The following CNTNAP2 variants were observed in gnomAD, a reference collection of about 807,000 sequenced individuals.
The protein encoded by CNTNAP2 is contactin associated protein 2.
CNTNAP2 carries 98 observed loss-of-function variants against 155.2 expected under a neutral mutation model. The ratio of observed to expected loss-of-function variants is 0.63; its 90% CI spans 0.54 to 0.75. The LOEUF is 0.75. Ranked by LOEUF, CNTNAP2 falls within the 30% of genes least tolerant of loss-of-function variation. The pLI is 0.00. For synonymous variants in CNTNAP2, 651 were observed against 631.2 expected (o/e 1.03, Z -0.47); for missense variants, 1,727 against 1,688.1 (o/e 1.02, Z -0.40).
chr7:146,469,818 C>CTGCGCGCGG (rs1796767732), intron 1 of CNTNAP2, among the ~76,000 whole-genome samples: 1 of 151,062 alleles, frequency 6.6e-6, no homozygotes, highest in Non-Finnish European at 1.5e-5. Context: ...GCGTGAGCCA[C>CTGCGCGCGG]CAACCCCAGC....
chr7:148,021,927 G>A (rs571314588), intron 15 of CNTNAP2, among the ~76,000 whole-genome samples: 7 of 152,280 alleles, frequency 4.6e-5, no homozygotes, highest in Middle Eastern at 6.8e-3. Context: ...TGTCACAAGA[G>A]GCACTACTTC....
At chr7:146,723,092 G>C (rs748851444) in intron 1 of CNTNAP2, among the ~76,000 whole-genome samples, 44 of 152,150 alleles carry the variant, frequency 2.9e-4, no homozygotes, top group Non-Finnish European at 4.1e-4. Context: ...TTTGCAGATA[G>C]GGTCCTAGCA....
At chr7:146,992,551 C>A (rs1798228488) in intron 3 of CNTNAP2, among the ~76,000 whole-genome samples, 1 of 152,098 alleles carries the variant, frequency 6.6e-6, no homozygotes, top group Non-Finnish European at 1.5e-5. Flanking sequence ...CCAGGTTCCA[C>A]CCCAGAACAG....
intron 21 of CNTNAP2, among the ~76,000 whole-genome samples, chr7:148,331,121 T>C (rs1797994764): frequency 7.5e-6 from 1 of 133,034 alleles, no homozygotes; most frequent in Non-Finnish European, 1.6e-5. Context: ...AGTCAATGGA[T>C]GGGATGGGTG....
chr7:147,697,485 A>G (rs900645639), intron 13 of CNTNAP2, among the ~76,000 whole-genome samples: 2 of 152,052 alleles, frequency 1.3e-5, no homozygotes, highest in African/African-American at 4.8e-5. Flanking sequence ...CAACATCCCT[A>G]CCATATCTGA....
At position 148,417,096 on chromosome 7, in the gene CNTNAP2, A is replaced by G. The variant is rs1043150285; in HGVS notation, c.*1480A>G. The G allele has an allele frequency of 6.6e-6, 1 of 152,208 alleles. No homozygotes were observed. The highest frequency in any genetic ancestry group is 1.5e-5 in the Non-Finnish European group (1 of 68,034). The allele number at this position is 152,208 out of a possible 1,614,324, so 9.4% of individuals were successfully genotyped here. A position where few individuals can be genotyped will look rare whatever the true frequency, so the allele number is the denominator to read the frequency against. On this transcript the variant is annotated 3_prime_UTR_variant, in exon 24 of 24. Coordinates refer to ENST00000361727, the MANE Select transcript of CNTNAP2 (RefSeq NM_014141.6). Reference sequence around the variant, plus strand: ...CTTATACTTAATAAGCACTTTCTAAAAAGTCTTGAGATCCCACCATTCTGA... The same window carrying G: ...CTTATACTTAATAAGCACTTTCTAAGAAGTCTTGAGATCCCACCATTCTGA...
chr7:148,295,550 G>T (rs1797264857), intron 21 of CNTNAP2, among the ~76,000 whole-genome samples: 1 of 145,236 alleles, frequency 6.9e-6, no homozygotes, highest in Non-Finnish European at 1.5e-5. Context: ...GGAGTGCTGT[G>T]GCGCAGTCTC....
intron 14 of CNTNAP2, among the ~76,000 whole-genome samples, chr7:147,949,553 G>C (rs1800888459): frequency 6.6e-6 from 1 of 151,718 alleles, no homozygotes; most frequent in African/African-American, 2.4e-5. Context: ...TAGAAACACA[G>C]CTAGGAATAA....
intron 21 of CNTNAP2, among the ~76,000 whole-genome samples, chr7:148,340,824 G>A (rs1044224899): frequency 6.6e-6 from 1 of 152,226 alleles, no homozygotes. Flanking sequence ...GGATGAGAGA[G>A]ACTAAGAGAG....
At chr7:146,214,211 A>G (rs1330686546) in intron 1 of CNTNAP2, among the ~76,000 whole-genome samples, 2 of 152,238 alleles carry the variant, frequency 1.3e-5, no homozygotes, top group African/African-American at 4.8e-5. Flanking sequence ...ACTTTTATAC[A>G]AAATCCCTAA....
chr7:147,396,182 C>CATATATATATATATATATAGCAT (rs58129350), intron 10 of CNTNAP2, among the ~76,000 whole-genome samples: 2 of 145,450 alleles, frequency 1.4e-5, no homozygotes, highest in Admixed American at 1.4e-4. Context: ...ATATATATAG[C>CATATATATATATATATATAGCAT]ATATATATAT....
chr7:146,243,961 G>A (rs1053737698), intron 1 of CNTNAP2, among the ~76,000 whole-genome samples: 4 of 152,140 alleles, frequency 2.6e-5, no homozygotes, highest in East Asian at 3.9e-4. Context: ...GGCGGTGTGG[G>A]AACCTAGAGT....
At chr7:147,251,401 G>A (rs1424213170) in intron 8 of CNTNAP2, among the ~76,000 whole-genome samples, 1 of 152,116 alleles carries the variant, frequency 6.6e-6, no homozygotes, top group African/African-American at 2.4e-5. Context: ...GATGTTAAAT[G>A]TTACTTTGTT....
chr7:147,336,447 T>A (rs952086936), intron 9 of CNTNAP2, among the ~76,000 whole-genome samples: 56 of 152,188 alleles, frequency 3.7e-4, no homozygotes, highest in African/African-American at 1.2e-3. Context: ...ATCCCAATAG[T>A]CCTATTCTTC....
chr7:146,146,901 C>G (rs990526898), intron 1 of CNTNAP2, among the ~76,000 whole-genome samples: 1 of 152,128 alleles, frequency 6.6e-6, no homozygotes, highest in African/African-American at 2.4e-5. Context: ...GGACAGGCAG[C>G]TGCGTTAGTG....
chr7:147,462,940 G>C (rs912728439), intron 10 of CNTNAP2, among the ~76,000 whole-genome samples: 1 of 152,176 alleles, frequency 6.6e-6, no homozygotes, highest in Non-Finnish European at 1.5e-5. Flanking sequence ...CACTTGTTTT[G>C]AATGTGCTGT....
rs570802858 is a variant in CNTNAP2, at chr7:146,263,735, A to C, written c.97+146762A>C. Among the ~76,000 whole-genome samples the C allele has an allele frequency of 1.1e-3, 174 of 152,332 alleles. 2 individuals are homozygous for C. The highest frequency in any genetic ancestry group is 1.2e-3 in the South Asian group (6 of 4,828). On this transcript the variant is annotated intron_variant, in intron 1 of 23. Transcript: ENST00000361727. ...TATGGGATTGGAAATCACCTGTGAA[A>C]TAATATTTGTAAAGCCAATTAAAGA...
intron 22 of CNTNAP2, among the ~76,000 whole-genome samples, chr7:148,396,385 A>AT (rs1462181894): frequency 6.6e-6 from 1 of 152,152 alleles, no homozygotes; most frequent in Non-Finnish European, 1.5e-5. Flanking sequence ...TTACAGCACC[A>AT]TATCACTCAG....
At chr7:148,407,315 G>A (rs1799725519) in intron 22 of CNTNAP2, among the ~76,000 whole-genome samples, 1 of 152,148 alleles carries the variant, frequency 6.6e-6, no homozygotes, top group Admixed American at 6.5e-5. Flanking sequence ...AAATCCTGAA[G>A]GGAAATGGGA....
Sources: gnomAD v4.1 joint callset for allele counts (sites outside exome capture counted in the v4.1 genomes callset) on GRCh38, gnomAD v4.1.1 for gene constraint, MANE v1.5 for transcripts, NCBI Gene and HGNC (gene_info 2026-07-23, HGNC 2026-07-21) for gene names.